Variants in ELK3 observed in about 807,000 individuals in gnomAD.
ELK3 encodes ETS domain-containing protein Elk-3.
ELK3 carries 10 observed loss-of-function variants against 28.9 expected under a neutral mutation model. The ratio of observed to expected loss-of-function variants is 0.35; its 90% confidence interval spans 0.21 to 0.59. The LOEUF is 0.59. Among genes scored for constraint, ELK3 ranks in the 20% least tolerant of loss-of-function variants. ELK3 has a pLI of 0.82. For synonymous variants in ELK3, 272 were observed against 243.5 expected, an observed-to-expected ratio of 1.12 and a Z score of -1.09; for missense variants, 463 against 517.3, an observed-to-expected ratio of 0.90 and a Z score of 1.02.
chr12:96,229,767 T>C (rs573452478), intron 2 of ELK3, among the ~76,000 whole-genome samples: 27 of 152,198 alleles, frequency 1.8e-4, no homozygotes, highest in Non-Finnish European at 4.0e-4. Context: ...CCTGACCTTG[T>C]GATCTGCCTG....
At chr12:96,234,522 C>G (rs554734108) in intron 2 of ELK3, among the ~76,000 whole-genome samples, 1 of 152,200 alleles carries the variant, frequency 6.6e-6, no homozygotes, top group Non-Finnish European at 1.5e-5. Flanking sequence ...TCAGCTGCTC[C>G]TCTGCACGGC....
At chr12:96,208,096 T>C (rs759556128) in intron 1 of ELK3, among the ~76,000 whole-genome samples, 11 of 152,066 alleles carry the variant, frequency 7.2e-5, no homozygotes, top group Non-Finnish European at 1.0e-4. Context: ...TCTGTTGCCA[T>C]GTTGGAGTGC....
chr12:96,221,114 C>T (rs577670732), intron 1 of ELK3, among the ~76,000 whole-genome samples: 36 of 152,288 alleles, frequency 2.4e-4, no homozygotes, highest in South Asian at 6.2e-4. Flanking sequence ...CCAATGTCAG[C>T]ACTCCTCCCA....
intron 1 of ELK3, among the ~76,000 whole-genome samples, chr12:96,196,019 G>A (rs1301027283): frequency 3.3e-5 from 5 of 151,998 alleles, no homozygotes; most frequent in Non-Finnish European, 7.4e-5. Flanking sequence ...GAGGGTTAAA[G>A]GGATTCTGCT....
At chr12:96,235,498 CCTT>C (rs2137024767) in intron 2 of ELK3, among the ~76,000 whole-genome samples, 1 of 152,306 alleles carries the variant, frequency 6.6e-6, no homozygotes, top group Non-Finnish European at 1.5e-5. Flanking sequence ...AAACAAGCAT[CCTT>C]CTCCATGGCA....
chr12:96,219,633 A>G (rs928131762), intron 1 of ELK3, among the ~76,000 whole-genome samples: 2 of 152,164 alleles, frequency 1.3e-5, no homozygotes, highest in Admixed American at 1.3e-4. Flanking sequence ...GCCACAGACA[A>G]CCACGCATTT....
chr12:96,204,684 C>T (rs1951529020), intron 1 of ELK3, among the ~76,000 whole-genome samples: 1 of 152,146 alleles, frequency 6.6e-6, no homozygotes, highest in Non-Finnish European at 1.5e-5. Context: ...AGGAGTTCTC[C>T]TCTGCTTGCA....
chr12:96,242,007 G>A (rs550152936), intron 2 of ELK3, among the ~76,000 whole-genome samples: 26 of 152,318 alleles, frequency 1.7e-4, no homozygotes, highest in African/African-American at 5.3e-4. Flanking sequence ...AGAGGGAAGC[G>A]GATGTGTGTA....
At chr12:96,256,332 G>C (rs1297121863) in intron 3 of ELK3, among the ~76,000 whole-genome samples, 1 of 152,166 alleles carries the variant, frequency 6.6e-6, no homozygotes, top group Non-Finnish European at 1.5e-5. Flanking sequence ...GTGCATGCAG[G>C]GTTTATGTCT....
intron 2 of ELK3, among the ~76,000 whole-genome samples, chr12:96,237,273 T>G (rs1951791507): frequency 6.6e-6 from 1 of 152,210 alleles, no homozygotes; most frequent in Non-Finnish European, 1.5e-5. Flanking sequence ...AGCCCTTTCA[T>G]AAGATGCTCT....
chr12:96,235,470 G>A (rs577059381), intron 2 of ELK3, among the ~76,000 whole-genome samples: 1 of 152,292 alleles, frequency 6.6e-6, no homozygotes, highest in African/African-American at 2.4e-5. Context: ...CCAATCAAGT[G>A]TAGTAGGAAT....
At chr12:96,234,175 G>A (rs951309732) in intron 2 of ELK3, among the ~76,000 whole-genome samples, 1 of 152,164 alleles carries the variant, frequency 6.6e-6, no homozygotes, top group Non-Finnish European at 1.5e-5. Flanking sequence ...TGTCTTGCAC[G>A]TGCTTCCAGG....
At chr12:96,255,249 C>T (rs1322224336) in intron 3 of ELK3, among the ~76,000 whole-genome samples, 1 of 152,052 alleles carries the variant, frequency 6.6e-6, no homozygotes, top group African/African-American at 2.4e-5. Context: ...AAAGGCTAAA[C>T]GTCCAGTCGG....
intron 1 of ELK3, among the ~76,000 whole-genome samples, chr12:96,215,917 A>C (rs577892737): frequency 1.8e-4 from 28 of 152,308 alleles, no homozygotes; most frequent in African/African-American, 6.5e-4. Flanking sequence ...TACAGGCGTG[A>C]GCTATCACGC....
rs1180426844 is a variant in ELK3, at chr12:96,237,046, G to A, written c.208-9894G>A. On this transcript the variant is annotated intron_variant, in intron 2 of 4. Transcript: ENST00000228741. ...TGTGTGTCTTTCTGTGTCTTCATGAGGACAGAAGCCATTGATTTCAGTGCC... is the reference window on the plus strand; with the variant it reads ...TGTGTGTCTTTCTGTGTCTTCATGAAGACAGAAGCCATTGATTTCAGTGCC... Among the ~76,000 whole-genome samples the A allele has an allele frequency of 4.6e-5, 7 of 152,296 alleles. No individual in the cohort carries two copies. In the East Asian group the frequency reaches 1.4e-3, roughly 29 times the overall value.
In ELK3 at chr12:96,267,716, GT is replaced by G. The variant is rs1431983073; in HGVS notation, c.*540del. 1.3e-5 allele frequency: 2 copies of G among 152,558 alleles called. No individual in the cohort carries two copies. The highest frequency in any genetic ancestry group is 2.4e-5 in the African/African-American group (1 of 41,438). The allele number at this position is 152,558 out of a possible 1,614,324, so 9.5% of individuals were successfully genotyped here. A position where few individuals can be genotyped will look rare whatever the true frequency, so the allele number is the denominator to read the frequency against. On this transcript the variant is annotated 3_prime_UTR_variant, in exon 5 of 5. Transcript: ENST00000228741. ...AATATGAAAGCATATATCACGTTTTGTTTTACTTTCAATTGTATAAGAATTG... is the reference window on the plus strand; with the variant it reads ...AATATGAAAGCATATATCACGTTTTGTTTACTTTCAATTGTATAAGAATTG...
chr12:96,213,667 A>T (rs966563197), intron 1 of ELK3: 1 of 152,256 alleles, frequency 6.6e-6, no homozygotes, highest in Admixed American at 6.5e-5. Flanking sequence ...TACACACAGT[A>T]AATTGCATAT....
chr12:96,258,738 G>T lies in ELK3; in HGVS notation c.1003-993G>T, dbSNP rs1306133943. ...GCCCTCCTGCTGGCTTGCAGGCCAG[G>T]ACTCCTGCTGTGTGTGTGCAAGAAA... On this transcript the variant is annotated intron_variant, in intron 3 of 4. Transcript: ENST00000228741. 3.9e-5 allele frequency among the ~76,000 whole-genome samples: 6 copies of T among 152,310 alleles called. No homozygotes were observed. The East Asian group carries it at 1.2e-3, about 29-fold the overall frequency.
chr12:96,257,785 C>T lies in ELK3; in HGVS notation c.1003-1946C>T, dbSNP rs549273446. ...ACTGACAGTAGCCTCCAAGTCCAGG[C>T]TGACTCAGTTGAGTTGGTCTGTTTC... On this transcript the variant is annotated intron_variant, in intron 3 of 4. Coordinates refer to ENST00000228741, the MANE Select transcript of ELK3 (RefSeq NM_005230.4). Among the ~76,000 whole-genome samples the T allele has an allele frequency of 2.0e-5, 3 of 152,338 alleles. No individual in the cohort carries two copies. The East Asian group carries it at 5.8e-4, about 29-fold the overall frequency.
Sources: allele counts gnomAD v4.1 joint callset (sites outside exome capture counted in the v4.1 genomes callset), GRCh38; gene constraint gnomAD v4.1.1; transcripts MANE v1.5; gene names NCBI Gene and HGNC (gene_info 2026-07-23, HGNC 2026-07-21).